SNCAIP: variants seen among roughly 807,000 people sequenced by gnomAD.
SNCAIP encodes the protein synuclein alpha interacting protein, also known as synphilin-1.
Under a neutral mutation model 86.7 loss-of-function variants are expected in SNCAIP, and 43 were observed. That is an observed-to-expected ratio of 0.50 (90% confidence interval 0.39 to 0.64). The LOEUF is 0.64. Among genes scored for constraint, SNCAIP ranks in the 30% least tolerant of loss-of-function variants. The pLI is 0.00. For missense variants in SNCAIP, 981 were observed against 1,103.1 expected (o/e 0.89, Z 1.57); for synonymous variants, 417 against 427.2 (o/e 0.98, Z 0.29).
intron 1 of SNCAIP, among the ~76,000 whole-genome samples, chr5:122,343,956 G>A (rs1399319584): frequency 6.6e-6 from 1 of 152,178 alleles, no homozygotes; most frequent in African/African-American, 2.4e-5. Flanking sequence ...CTAAGGCCAA[G>A]TTGAATTTAT....
At chr5:122,349,031 GA>G (rs1320924706) in intron 1 of SNCAIP, among the ~76,000 whole-genome samples, 1 of 151,982 alleles carries the variant, frequency 6.6e-6, no homozygotes, top group Non-Finnish European at 1.5e-5. Flanking sequence ...CTATTTCTGT[GA>G]AAAAGTAGAT....
chr5:122,454,318 A>C (rs1226659432), intron 10 of SNCAIP: 1 of 152,682 alleles, frequency 6.5e-6, no homozygotes, highest in East Asian at 1.9e-4. Context: ...ATTAAATCTC[A>C]GTCATTTTAG....
chr5:122,338,178 C>T (rs958983951), intron 1 of SNCAIP, among the ~76,000 whole-genome samples: 1 of 152,170 alleles, frequency 6.6e-6, no homozygotes, highest in South Asian at 2.1e-4. Flanking sequence ...TTAAATAGAA[C>T]GGATACTTCT....
At chr5:122,347,605 T>A (rs113278716) in intron 1 of SNCAIP, among the ~76,000 whole-genome samples, 2 of 152,046 alleles carry the variant, frequency 1.3e-5, no homozygotes, top group African/African-American at 4.8e-5. Context: ...ATACCCTCAA[T>A]TGGAAAAAAT....
At chr5:122,389,908 A>G (rs1341278995) in intron 1 of SNCAIP, 1 of 152,146 alleles carries the variant, frequency 6.6e-6, no homozygotes, top group African/African-American at 2.4e-5. Flanking sequence ...GTTTATCATA[A>G]TTATACCATT....
At chr5:122,440,409 G>C (rs1780602539) in intron 6 of SNCAIP, 2 of 548,494 alleles carry the variant, frequency 3.6e-6, no homozygotes, top group Non-Finnish European at 6.5e-6. Flanking sequence ...GCGCTTCCAA[G>C]GGAGCTTCCT....
intron 1 of SNCAIP, among the ~76,000 whole-genome samples, chr5:122,353,618 T>C (rs1760372407): frequency 6.6e-6 from 1 of 152,082 alleles, no homozygotes; most frequent in Non-Finnish European, 1.5e-5. Context: ...CTCATGATAG[T>C]GAATAAGTCT....
Position 122,440,652 on chromosome 5 carries a change from T to G in SNCAIP, c.1320T>G (p.Leu440=). The G allele has an allele frequency of 1.2e-6, 2 of 1,613,938 alleles. No individual in the cohort carries two copies. The highest frequency in any genetic ancestry group is 2.2e-5 in the South Asian group (2 of 91,078). ...AGGAAAAGATTCTTCTGTGGCTTCT[T>G]CAGTTTATGCAAGAACAGGGCATCT... The part of the protein sequence containing the change: ...YGQEKILLWL[L]QFMQEQGISL... Residue 440 remains leucine, a synonymous_variant, in exon 7 of 11, where the codon CTT becomes CTG. Transcript: ENST00000261368.
At chr5:122,374,514 C>G (rs1257318822) in intron 1 of SNCAIP, among the ~76,000 whole-genome samples, 1 of 152,122 alleles carries the variant, frequency 6.6e-6, no homozygotes, top group Non-Finnish European at 1.5e-5. Flanking sequence ...TATTGGAAAA[C>G]AGACCCTGTC....
At chr5:122,328,124 T>G (rs1327405888) in intron 1 of SNCAIP, among the ~76,000 whole-genome samples, 2 of 152,228 alleles carry the variant, frequency 1.3e-5, no homozygotes, top group Admixed American at 6.5e-5. Flanking sequence ...AAGGATAGTT[T>G]GAGCCAAGTC....
chr5:122,386,409 T>C (rs1768136908), intron 1 of SNCAIP, among the ~76,000 whole-genome samples: 1 of 152,202 alleles, frequency 6.6e-6, no homozygotes, highest in African/African-American at 2.4e-5. Flanking sequence ...GACATGGTGT[T>C]GATAGACCCA....
chr5:122,440,006 T>C (rs919715393), intron 6 of SNCAIP, among the ~76,000 whole-genome samples: 1 of 152,188 alleles, frequency 6.6e-6, no homozygotes, highest in African/African-American at 2.4e-5. Context: ...AGGGAAATCT[T>C]TACCTTAAGA....
At chr5:122,432,246 G>A (rs925384810) in intron 6 of SNCAIP, among the ~76,000 whole-genome samples, 164 bp downstream of exon 6, 1 of 151,984 alleles carries the variant, frequency 6.6e-6, no homozygotes, top group Non-Finnish European at 1.5e-5. Context: ...ATGAAAAAAA[G>A]TTTACAACAA....
At chr5:122,362,338 C>T (rs1321124058) in intron 1 of SNCAIP, among the ~76,000 whole-genome samples, 1 of 152,024 alleles carries the variant, frequency 6.6e-6, no homozygotes, top group African/African-American at 2.4e-5. Context: ...GATACTGTTG[C>T]CTTTGAGGTA....
intron 2 of SNCAIP, among the ~76,000 whole-genome samples, chr5:122,395,475 T>C (rs549486706): frequency 6.6e-6 from 1 of 152,292 alleles, no homozygotes; most frequent in African/African-American, 2.4e-5. Flanking sequence ...CCTTCCACTT[T>C]TCAATCCTCT....
At chr5:122,356,095 C>CT (rs757246404) in intron 1 of SNCAIP, among the ~76,000 whole-genome samples, 23,176 of 102,846 alleles carry the variant, frequency 0.23, 3,826 homozygotes, top group African/African-American at 0.27. Context: ...GTTAGCCTTT[C>CT]TTTTTTTTTT....
At chr5:122,391,459 A>G (rs1051965014) in intron 2 of SNCAIP, among the ~76,000 whole-genome samples, 3 of 152,176 alleles carry the variant, frequency 2.0e-5, no homozygotes, top group South Asian at 4.1e-4. Context: ...TGTCAAAACT[A>G]TTGATTGAGT....
At chr5:122,342,065 T>G (rs912387033) in intron 1 of SNCAIP, among the ~76,000 whole-genome samples, 1 of 152,096 alleles carries the variant, frequency 6.6e-6, no homozygotes, top group Non-Finnish European at 1.5e-5. Flanking sequence ...ACACAAGGAT[T>G]TTTTCGATTT....
intron 1 of SNCAIP, among the ~76,000 whole-genome samples, chr5:122,322,876 A>C (rs1222826131): frequency 1.3e-5 from 2 of 152,224 alleles, no homozygotes; most frequent in Non-Finnish European, 2.9e-5. Flanking sequence ...CAGTTTTGGG[A>C]ATGCTGCTTT....
Sources: allele counts gnomAD v4.1 joint callset (sites outside exome capture counted in the v4.1 genomes callset), GRCh38; gene constraint gnomAD v4.1.1; transcripts MANE v1.5; gene names NCBI Gene and HGNC (gene_info 2026-07-23, HGNC 2026-07-21).